Variants in HERC3 observed in about 807,000 individuals in gnomAD.
HERC3 encodes probable E3 ubiquitin-protein ligase HERC3.
In HERC3, 58 loss-of-function variants were observed where a neutral mutation model predicts 129.9. The ratio of observed to expected loss-of-function variants is 0.45; its 90% confidence interval spans 0.36 to 0.56. HERC3 has a LOEUF of 0.56. Ranked by LOEUF, HERC3 falls within the 20% of genes least tolerant of loss-of-function variation. The probability of loss-of-function intolerance (pLI) is 0.00; values close to 1 mark genes in which losing one functional copy is unlikely to be tolerated. For synonymous variants in HERC3, 430 were observed against 451.0 expected (o/e 0.95, Z 0.59); for missense variants, 835 against 1,244.2 (o/e 0.67, Z 4.95).
chr4:88,541,669 A>T, the HERC3 span, among the ~76,000 whole-genome samples: 1 of 152,234 alleles, frequency 6.6e-6, no homozygotes, highest in African/African-American at 2.4e-5. Flanking sequence ...CATCGCACTT[A>T]TTCTAAAATT....
chr4:88,694,592 A>C (rs1734402322), intron 23 of HERC3, among the ~76,000 whole-genome samples: 1 of 152,198 alleles, frequency 6.6e-6, no homozygotes, highest in Non-Finnish European at 1.5e-5. Flanking sequence ...ACTGTTTCCA[A>C]ATTGCTAAAG....
Position 88,699,423 on chromosome 4 carries a change from C to T in HERC3, c.2658-4675C>T, listed in dbSNP as rs145125979. Among the ~76,000 whole-genome samples, 270 of 139,166 alleles carry T rather than the reference C, an allele frequency of 1.9e-3. 1 individual carries two copies. The highest frequency in any genetic ancestry group is 7.0e-3 in the Middle Eastern group (2 of 286). The allele number at this position is 139,166 out of a possible 152,430, so 91.3% of individuals were successfully genotyped here. ...CCACCTTCCCCCACGGTCTTCACCA[C>T]CTTCCCCCAACCGTCTTCTTTACCC... On this transcript the variant is annotated intron_variant, in intron 23 of 25. Coordinates refer to ENST00000402738, the MANE Select transcript of HERC3 (RefSeq NM_014606.3).
At chr4:88,596,982 C>T (rs1722469755) in intron 2 of HERC3, among the ~76,000 whole-genome samples, 1 of 152,226 alleles carries the variant, frequency 6.6e-6, no homozygotes. Flanking sequence ...GATTTAGTTA[C>T]AATGATGCTT....
chr4:88,577,610 T>C, the HERC3 span, among the ~76,000 whole-genome samples: 63 of 150,326 alleles, frequency 4.2e-4, no homozygotes, highest in Non-Finnish European at 8.4e-4. Flanking sequence ...TGTGTGTATA[T>C]ATATATAATA....
chr4:88,617,318 T>G (rs948878734), intron 3 of HERC3, among the ~76,000 whole-genome samples: 4 of 152,106 alleles, frequency 2.6e-5, no homozygotes, highest in African/African-American at 9.7e-5. Flanking sequence ...CATTTTCTTC[T>G]TTTCAAAGTC....
chr4:88,692,411 G>A (rs1325862021), intron 23 of HERC3, among the ~76,000 whole-genome samples: 2 of 152,086 alleles, frequency 1.3e-5, no homozygotes, highest in African/African-American at 4.8e-5. Flanking sequence ...AGTAAGAAAT[G>A]CCAAACTTAA....
the HERC3 span, among the ~76,000 whole-genome samples, chr4:88,548,998 A>C: frequency 6.6e-6 from 1 of 152,122 alleles, no homozygotes; most frequent in African/African-American, 2.4e-5. Flanking sequence ...TTTGCAGTAC[A>C]GTTTTTCTAT....
In HERC3 at chr4:88,704,224, A is replaced by G. The variant is rs2149351239; in HGVS notation, c.2784A>G (p.Ser928=). The G allele has an allele frequency of 6.2e-7, 1 of 1,614,174 alleles. No individual in the cohort carries two copies. The highest frequency in any genetic ancestry group is 1.1e-5 in the South Asian group (1 of 91,086). The part of the protein sequence containing the change: ...GGKVLELFQP[S]ELRAMMVGNS... ...AAGTACTTGAGCTCTTCCAGCCTTCAGAACTGAGGGCTATGATGGTGGGGA... is the reference window on the plus strand; with the variant it reads ...AAGTACTTGAGCTCTTCCAGCCTTCGGAACTGAGGGCTATGATGGTGGGGA... The change falls in exon 24 of 26, where the codon TCA becomes TCG. Residue 928 remains serine, a synonymous_variant. Transcript: ENST00000402738.
At chr4:88,698,218 G>A (rs1359527094) in intron 23 of HERC3, among the ~76,000 whole-genome samples, 5 of 152,160 alleles carry the variant, frequency 3.3e-5, no homozygotes, top group Admixed American at 2.6e-4. Context: ...CATAGCTGGC[G>A]TTTGATCACC....
chr4:88,693,089 C>T, intron 23 of HERC3: 1 of 982,274 alleles, frequency 1.0e-6, no homozygotes, highest in Non-Finnish European at 1.2e-6. Flanking sequence ...TCATGAATGC[C>T]CTTAATAGTG....
chr4:88,532,776 C>T, the HERC3 span, among the ~76,000 whole-genome samples: 82 of 152,192 alleles, frequency 5.4e-4, no homozygotes, highest in Admixed American at 2.7e-3. Flanking sequence ...ATCCTCTGGA[C>T]GTAGAGTTGT....
chr4:88,687,193 T>A, intron 22 of HERC3, 24 bp from the exon 23 acceptor site: 2 of 1,571,110 alleles, frequency 1.3e-6, no homozygotes, highest in Non-Finnish European at 1.7e-6. Flanking sequence ...ATTGAAATAT[T>A]TCTTTTTTCC....
chr4:88,603,318 G>C (rs1187285479), intron 2 of HERC3, among the ~76,000 whole-genome samples: 2 of 145,178 alleles, frequency 1.4e-5, no homozygotes, highest in African/African-American at 2.6e-5. Flanking sequence ...AGCGATTCTT[G>C]TGCCTCAGCC....
At chr4:88,558,071 C>CAAAAAAAAAA in the HERC3 span, among the ~76,000 whole-genome samples, 8 of 39,130 alleles carry the variant, frequency 2.0e-4, no homozygotes, top group East Asian at 7.8e-4. Context: ...GACTCTGACT[C>CAAAAAAAAAA]AAAAAAAAAA....
upstream of HERC3, among the ~76,000 whole-genome samples, chr4:88,587,500 G>T (rs200755886): frequency 6.6e-6 from 1 of 152,188 alleles, no homozygotes; most frequent in Non-Finnish European, 1.5e-5. Context: ...AACATATTAC[G>T]TAATAACAAC....
chr4:88,554,509 A>T, the HERC3 span, among the ~76,000 whole-genome samples: 1 of 152,244 alleles, frequency 6.6e-6, no homozygotes, highest in Non-Finnish European at 1.5e-5. Flanking sequence ...GCTTTAAACA[A>T]TAATGACTGC....
chr4:88,591,566 C>T (rs1315379117), upstream of HERC3, among the ~76,000 whole-genome samples: 1 of 151,990 alleles, frequency 6.6e-6, no homozygotes, highest in African/African-American at 2.4e-5. Context: ...AAAGCAGTAC[C>T]GTGCCAGTGT....
chr4:88,642,959 A>G (rs1424788992), intron 3 of HERC3, among the ~76,000 whole-genome samples: 1 of 152,114 alleles, frequency 6.6e-6, no homozygotes, highest in African/African-American at 2.4e-5. Flanking sequence ...GAAAGGAAGA[A>G]AAAAAACCAT....
intron 3 of HERC3, among the ~76,000 whole-genome samples, chr4:88,632,499 G>A (rs1010678313): frequency 2.0e-5 from 3 of 152,204 alleles, no homozygotes; most frequent in Non-Finnish European, 4.4e-5. Flanking sequence ...AAACTTTAAA[G>A]CATGTAGTTT....
Sources: allele counts gnomAD v4.1 joint callset (sites outside exome capture counted in the v4.1 genomes callset), GRCh38; gene constraint gnomAD v4.1.1; transcripts MANE v1.5; gene names NCBI Gene and HGNC (gene_info 2026-07-23, HGNC 2026-07-21).